ERBB3: variants seen among roughly 807,000 people sequenced by gnomAD.
ERBB3 encodes the protein erb-b2 receptor tyrosine kinase 3.
A neutral mutation model predicts 156.7 loss-of-function variants in ERBB3; 96 were observed. That is an observed-to-expected ratio of 0.61 (90% CI 0.52 to 0.73). The LOEUF (loss-of-function observed/expected upper bound fraction) is 0.73. Ranked by LOEUF, ERBB3 falls within the 30% of genes least tolerant of loss-of-function variation. The pLI, the probability that ERBB3 is intolerant of heterozygous loss-of-function variation, is 0.00. For missense variants in ERBB3, 1,406 were observed against 1,709.4 expected (o/e 0.82, Z 3.13); for synonymous variants, 567 against 632.0 (o/e 0.90, Z 1.54).
intron 22 of ERBB3, 60 bp downstream of exon 22, chr12:56,098,635 G>C: frequency 5.7e-6 from 9 of 1,581,678 alleles, no homozygotes; most frequent in Non-Finnish European, 7.8e-6. Context: ...TTTACCTTTT[G>C]AGACCCCCTC....
rs2136808199 is a variant in ERBB3, at chr12:56,092,835, G to A, written c.1183+15G>A. The A allele has an allele frequency of 1.2e-6, 2 of 1,611,848 alleles. No individual in the cohort carries two copies. The highest frequency in any genetic ancestry group is 1.7e-6 in the Non-Finnish European group (2 of 1,177,884). The stretch of plus-strand genomic sequence containing the variant: ...GGAGATCACAGGTGAGTGGCAGAGA[G>A]TTTGCCCTTTCTAGAAGAATAGGTG... On this transcript the variant is annotated intron_variant, in intron 10 of 27. Transcript: ENST00000267101.
In ERBB3 at chr12:56,095,692, A is replaced by G. The variant is rs1373378019; in HGVS notation, c.1941A>G (p.Thr647=). 1.2e-6 allele frequency: 2 copies of G among 1,614,202 alleles called. No individual in the cohort carries two copies. The highest frequency in any genetic ancestry group is 1.7e-6 in the Non-Finnish European group (2 of 1,180,034). Residue 647 remains threonine (T), a synonymous_variant, in exon 17 of 28, where the codon ACA becomes ACG. Coordinates refer to ENST00000267101, the MANE Select transcript of ERBB3 (RefSeq NM_001982.4). ...AAACCCATCTGACAATGGCTTTGAC[A>G]GTGATAGCAGGATTGGTAGTGATTT... ...IGKTHLTMAL[T]VIAGLVVIFM...
intron 16 of ERBB3, 28 bp downstream of exon 16, chr12:56,095,338 CTG>C (rs1303327427): frequency 1.3e-6 from 2 of 1,597,426 alleles, no homozygotes; most frequent in East Asian, 4.5e-5. Flanking sequence ...ATTCTGGAAA[CTG>C]GGGATATTTG....
intron 9 of ERBB3, among the ~76,000 whole-genome samples, chr12:56,090,708 A>C (rs1868653007): frequency 6.6e-6 from 1 of 152,036 alleles, no homozygotes; most frequent in South Asian, 2.1e-4. Context: ...CTACACACAC[A>C]CACACACACA....
chr12:56,094,686 T>TCA, intron 15 of ERBB3, 130 bp downstream of exon 15: 3 of 1,105,090 alleles, frequency 2.7e-6, no homozygotes, highest in Non-Finnish European at 3.9e-6. Context: ...GCGCAGTGGC[T>TCA]CACACCTGTA....
rs768004540 is a variant in ERBB3 at position 56,095,251 on chromosome 12, C to A, written c.1860-6C>A. 6.2e-7 allele frequency: 1 copy of A among 1,610,930 alleles called. No individual in the cohort carries two copies. The highest frequency in any genetic ancestry group is 1.7e-5 in the Admixed American group (1 of 59,998). ...TCTCATTTAAGGTGGTGACTTTCTT[C>A]CCTAGGTGTAAAGGACCAGAGCTTC... is the stretch of plus-strand genomic sequence containing the variant. On this transcript the variant is annotated splice_polypyrimidine_tract_variant and splice_region_variant and intron_variant, in intron 15 of 27. Coordinates refer to ENST00000267101, the MANE Select transcript of ERBB3 (RefSeq NM_001982.4).
At position 56,093,500 on chromosome 12, in the gene ERBB3, C is replaced by G. The variant is rs985205730; in HGVS notation, c.1430C>G (p.Pro477Arg). The G allele has an allele frequency of 6.2e-7, 1 of 1,613,774 alleles. No homozygotes were observed. Among genetic ancestry groups the G allele is most frequent in the African/African-American group, 1.3e-5 (1 of 74,956 alleles). ...AACTGGACCAAGGTGCTTCGGGGGC[C>G]TACGGAAGAGCGACTAGACATCAAG... ...SLNWTKVLRG[P>R]TEERLDIKHN... The change falls in exon 12 of 28, where the codon CCT becomes CGT. Residue 477 changes from proline (P) to arginine (R), a missense_variant. Around this residue, in one of 3 missense-constraint regions of ERBB3, gnomAD observed 979 missense variants for 1,219.6 expected, o/e 0.80. Transcript: ENST00000267101.
Position 56,099,963 on chromosome 12 carries a change from C to T in ERBB3, c.3063C>T (p.Asn1021=). The change falls in exon 25 of 28, where the codon AAC becomes AAT. Residue 1021 remains asparagine (N), a synonymous_variant. Coordinates refer to ENST00000267101, the MANE Select transcript of ERBB3 (RefSeq NM_001982.4). ...TAGACTTGGAAGCAGAGGAGGACAA[C>T]CTGGCAACCACCACACTGGGCTCCG... ...LDLDLEAEED[N]LATTTLGSAL... 1.2e-6 allele frequency: 2 copies of T among 1,614,234 alleles called. No individual in the cohort carries two copies. Among genetic ancestry groups the T allele is most frequent in the Non-Finnish European group, 1.7e-6 (2 of 1,180,048 alleles).
At position 56,101,686 on chromosome 12, in the gene ERBB3, G is replaced by C. The variant is rs775019515; in HGVS notation, c.3660G>C (p.Leu1220=). ...HPPRPSSLEE[L]GYEYMDVGSD... ...CTAGGCCAAGTTCCCTTGAGGAGCT[G>C]GGTTATGAGTACATGGATGTGGGGT... The change falls in exon 28 of 28, where the codon CTG becomes CTC. Residue 1220 remains leucine, a synonymous_variant. Coordinates refer to ENST00000267101, the MANE Select transcript of ERBB3 (RefSeq NM_001982.4). 54 of 1,613,872 alleles carry C rather than the reference G, an allele frequency of 3.3e-5. No individual in the cohort carries two copies. The highest frequency in any genetic ancestry group is 4.5e-5 in the Non-Finnish European group (53 of 1,180,014).
chr12:56,101,903 A>C lies in ERBB3; in HGVS notation c.3877A>C (p.Arg1293=), dbSNP rs1226818683. The change falls in exon 28 of 28, where the codon AGA becomes CGA. Residue 1293 remains arginine (R), a synonymous_variant. Coordinates refer to ENST00000267101, the MANE Select transcript of ERBB3 (RefSeq NM_001982.4). ...ATCTGAGCAAGGGTATGAAGAGATG[A>C]GAGCTTTTCAGGGGCCTGGACATCA... ...PASEQGYEEM[R]AFQGPGHQAP... 3 of 1,613,448 alleles carry C rather than the reference A, an allele frequency of 1.9e-6. No individual in the cohort carries two copies. Among genetic ancestry groups the C allele is most frequent in the Non-Finnish European group, 2.5e-6 (3 of 1,179,882 alleles).
rs779437595 is a variant in ERBB3 at position 56,092,786 on chromosome 12, G to A, written c.1149G>A (p.Lys383=). ...AGATCCCTGCCCTGGACCCAGAGAA[G>A]CTCAATGTCTTCCGGACAGTACGGG... ...WHKIPALDPE[K]LNVFRTVREI... is the part of the protein sequence containing the mutation. Residue 383 remains lysine (K), a synonymous_variant, in exon 10 of 28, where the codon AAG becomes AAA. Transcript: ENST00000267101. 5 of 1,614,182 alleles carry A rather than the reference G, an allele frequency of 3.1e-6. No homozygotes were observed. Among genetic ancestry groups the A allele is most frequent in the Non-Finnish European group, 8.5e-7 (1 of 1,180,006 alleles).
At position 56,102,029 on chromosome 12, in the gene ERBB3, C is replaced by T. The variant is rs202205409; in HGVS notation, c.4003C>T (p.Pro1335Ser). 8.7e-5 allele frequency: 140 copies of T among 1,611,408 alleles called. No individual in the cohort carries two copies. The highest frequency in any genetic ancestry group is 1.1e-4 in the Non-Finnish European group (135 of 1,179,986). Residue 1335 changes from proline to serine, a missense_variant, in exon 28 of 28, where the codon CCC becomes TCC. By Grantham distance (74) the Pro-to-Ser change is moderately conservative. Transcript: ENST00000267101. ...TGATTACTGGCATAGCAGGCTTTTCCCCAAGGCTAATGCCCAGAGAACGTA... is the reference window on the plus strand; with the variant it reads ...TGATTACTGGCATAGCAGGCTTTTCTCCAAGGCTAATGCCCAGAGAACGTA... ...NPDYWHSRLF[P>S]KANAQRT
At chr12:56,095,393 T>A (rs1431598474) in intron 16 of ERBB3, 83 bp downstream of exon 16, 2 of 1,187,520 alleles carry the variant, frequency 1.7e-6, no homozygotes, top group Non-Finnish European at 2.5e-6. Context: ...AGAGGGAGGC[T>A]GTCTTCATTC....
chr12:56,094,058 A>T (rs1409485605), intron 13 of ERBB3, 41 bp from the exon 14 acceptor site: 1 of 1,579,470 alleles, frequency 6.3e-7, no homozygotes, highest in African/African-American at 1.3e-5. Context: ...GAAGGTCAGG[A>T]CTTGGAAGTG....
chr12:56,080,444 C>A, intron 1 of ERBB3, 62 bp downstream of exon 1: 1 of 1,349,466 alleles, frequency 7.4e-7, no homozygotes, highest in Non-Finnish European at 1.0e-6. Flanking sequence ...GTGCGCGCAG[C>A]CTCGGAGGGT....
chr12:56,081,390 C>A (rs1868352477), intron 1 of ERBB3, among the ~76,000 whole-genome samples: 2 of 152,192 alleles, frequency 1.3e-5, no homozygotes, highest in African/African-American at 4.8e-5. Context: ...TGGATCTCCT[C>A]CCCTCCCCTC....
intron 12 of ERBB3, 59 bp downstream of exon 12, chr12:56,093,609 A>C (rs1382014532): frequency 2.6e-6 from 4 of 1,562,704 alleles, no homozygotes; most frequent in Non-Finnish European, 3.5e-6. Context: ...GAGGGCTGAA[A>C]GGACTATTCT....
chr12:56,085,358 C>T (rs1868444444), intron 3 of ERBB3, 177 bp downstream of exon 3: 2 of 1,463,830 alleles, frequency 1.4e-6, no homozygotes, highest in Non-Finnish European at 1.8e-6. Flanking sequence ...GTAGGGGGAG[C>T]TAGGGGCATC....
chr12:56,095,708 G>A lies in ERBB3; in HGVS notation c.1957G>A (p.Val653Ile). ...TMALTVIAGL[V>I]VIFMMLGGTF... ...GGCTTTGACAGTGATAGCAGGATTG[G>A]TAGTGATTTTCATGATGCTGGGCGG... Residue 653 changes from valine (V) to isoleucine (I), a missense_variant, in exon 17 of 28, where the codon GTA becomes ATA. Physicochemically the swap from Val to Ile is conservative, Grantham distance 29 (BLOSUM62 3). This residue lies in a region of ERBB3 where 979 missense variants were observed against 1,219.6 expected (regional missense o/e 0.80). Coordinates refer to ENST00000267101, the MANE Select transcript of ERBB3 (RefSeq NM_001982.4). 4 of 1,614,230 alleles carry A rather than the reference G, an allele frequency of 2.5e-6. No individual in the cohort carries two copies. The highest frequency in any genetic ancestry group is 3.4e-6 in the Non-Finnish European group (4 of 1,180,042).
Sources: allele counts gnomAD v4.1 joint callset (sites outside exome capture counted in the v4.1 genomes callset), GRCh38; gene constraint gnomAD v4.1.1; regional missense constraint gnomAD v4.1.1; transcripts MANE v1.5; gene names NCBI Gene and HGNC (gene_info 2026-07-23, HGNC 2026-07-21).